The following SYMPK variants were observed in gnomAD, a reference collection of about 807,000 sequenced individuals.
SYMPK encodes the protein symplekin scaffold protein, also known as symplekin.
In SYMPK, 49 loss-of-function variants were observed where a neutral mutation model predicts 136.4. The ratio of observed to expected loss-of-function variants is 0.36; its 90% confidence interval spans 0.29 to 0.46. SYMPK has a LOEUF of 0.46. Ranked by LOEUF, SYMPK falls within the 20% of genes least tolerant of loss-of-function variation. The pLI, the probability that SYMPK is intolerant of heterozygous loss-of-function variation, is 1.00. For synonymous variants in SYMPK, 766 were observed against 713.0 expected, an observed-to-expected ratio of 1.07 and a Z score of -1.19; for missense variants, 1,365 against 1,690.0, an observed-to-expected ratio of 0.81 and a Z score of 3.37.
Position 45,815,891 on chromosome 19 carries a change from G to T in SYMPK, c.3647C>A (p.Ala1216Asp). The T allele has an allele frequency of 6.2e-7, 1 of 1,611,758 alleles. No individual in the cohort carries two copies. The highest frequency in any genetic ancestry group is 8.5e-7 in the Non-Finnish European group (1 of 1,179,680). Residue 1216 changes from alanine (A) to aspartate (D), a missense_variant, in exon 26 of 27, where the codon GCC becomes GAC. Ala to Asp is a moderately radical substitution (Grantham distance 126). Transcript: ENST00000245934. ...CTCGAGACTAGAGTCCAACAGCGCG[G>T]CCTCGGTCAGCCCCGAGTCGTCATC... is the stretch of plus-strand genomic sequence containing the variant. ...SMDDDSGLTEAALLDSSLEGP... is the reference protein window; with the variant it reads ...SMDDDSGLTEDALLDSSLEGP...
intron 11 of SYMPK, 64 bp downstream of exon 11, chr19:45,835,014 T>G: frequency 7.1e-7 from 1 of 1,408,692 alleles, no homozygotes; most frequent in Admixed American, 2.4e-5. Flanking sequence ...GCTCTTCCAG[T>G]AAGGAGAACC....
At chr19:45,820,064 A>G (rs979930103) in intron 22 of SYMPK, 1 of 152,106 alleles carries the variant, frequency 6.6e-6, no homozygotes, top group East Asian at 1.9e-4. Context: ...CTCCTGGGCC[A>G]AGGATCTTCA....
At chr19:45,852,046 G>A (rs1294045089) in intron 5 of SYMPK, among the ~76,000 whole-genome samples, 1 of 152,236 alleles carries the variant, frequency 6.6e-6, no homozygotes, top group African/African-American at 2.4e-5. Context: ...ATTGACAAAC[G>A]GTCAGATGCT....
Position 45,852,366 on chromosome 19 carries a change from G to C in SYMPK, c.245C>G (p.Ala82Gly). 1 of 1,614,206 alleles carries C rather than the reference G, an allele frequency of 6.2e-7. No individual in the cohort carries two copies. The stretch of plus-strand genomic sequence containing the variant: ...TTTTCGCACTTCGATTGACTTGTCT[G>C]CTTGGAATGCGATGATCTCCTGCCA... ...NFLDEIIAFQ[A>G]DKSIEVRKFV... is the part of the protein sequence containing the mutation. Residue 82 changes from alanine to glycine, a missense_variant, in exon 5 of 27, where the codon GCA becomes GGA. Ala to Gly is a moderately conservative substitution (Grantham distance 60). Coordinates refer to ENST00000245934, the MANE Select transcript of SYMPK (RefSeq NM_004819.3).
chr19:45,823,762 G>A lies in SYMPK; in HGVS notation c.2599+5C>T. ...GCCATGAAAGGTGGGGGTCTCCAGG[G>A]TCACCTTTGTCTGTGAGGCTGTGCA... On this transcript the variant is annotated splice_donor_5th_base_variant and intron_variant, in intron 19 of 26. Coordinates refer to ENST00000245934, the MANE Select transcript of SYMPK (RefSeq NM_004819.3). 6.2e-7 allele frequency: 1 copy of A among 1,611,988 alleles called. No individual in the cohort carries two copies. The highest frequency in any genetic ancestry group is 8.5e-7 in the Non-Finnish European group (1 of 1,178,144).
intron 1 of SYMPK, among the ~76,000 whole-genome samples, chr19:45,861,663 G>T (rs893914954): frequency 6.6e-5 from 10 of 151,748 alleles, no homozygotes; most frequent in African/African-American, 2.2e-4. Context: ...CTTGAACCTG[G>T]AAGGCAGAGG....
intron 1 of SYMPK, among the ~76,000 whole-genome samples, chr19:45,860,791 A>T (rs1195571296): frequency 6.6e-6 from 1 of 152,156 alleles, no homozygotes; most frequent in East Asian, 1.9e-4. Flanking sequence ...CTACAGGCGA[A>T]TCCCCATTTA....
intron 25 of SYMPK, 43 bp downstream of exon 25, chr19:45,816,439 T>C: frequency 2.5e-6 from 4 of 1,575,280 alleles, no homozygotes; most frequent in South Asian, 1.1e-5. Context: ...GGGTAGGGGG[T>C]GGGAGTCTGG....
chr19:45,842,573 C>G, intron 8 of SYMPK, 84 bp from the exon 9 acceptor site: 3 of 1,559,438 alleles, frequency 1.9e-6, no homozygotes, highest in Non-Finnish European at 2.6e-6. Flanking sequence ...CAAACTTGGG[C>G]AGTGGTCTTG....
intron 7 of SYMPK, among the ~76,000 whole-genome samples, chr19:45,846,824 C>T (rs920738363): frequency 6.7e-5 from 10 of 149,504 alleles, no homozygotes; most frequent in Non-Finnish European, 1.2e-4. Context: ...GAGACAGTCT[C>T]ATTCTGTCAC....
chr19:45,858,660 C>G (rs532240420), intron 1 of SYMPK, among the ~76,000 whole-genome samples: 2 of 152,282 alleles, frequency 1.3e-5, no homozygotes, highest in East Asian at 1.9e-4. Context: ...GGATTACAGG[C>G]ATGTGCCACC....
rs761981429 is a variant in SYMPK at position 45,826,343 on chromosome 19, G to A, written c.2212C>T (p.Arg738Cys). ...CGCAGCTGCTCCTTCTCATACATGC[G>A]TTTGATGAACAGCAGGGCCTGGGAG... ...VRSQALLFIK[R>C]MYEKEQLREY... Residue 738 changes from arginine (R) to cysteine (C), a missense_variant, in exon 17 of 27, where the codon CGC becomes TGC. Arg to Cys is a radical substitution (Grantham distance 180, BLOSUM62 -3). Transcript: ENST00000245934. 1.4e-5 allele frequency: 23 copies of A among 1,614,186 alleles called. No homozygotes were observed. The highest frequency in any genetic ancestry group is 4.0e-5 in the African/African-American group (3 of 75,046).
At position 45,823,879 on chromosome 19, in the gene SYMPK, G is replaced by A; in HGVS notation, c.2491-4C>T. The stretch of plus-strand genomic sequence containing the variant: ...AGTTCATGCCCATTCCTCGGATCTA[G>A]AGGCAGAGACAGGGATGACCAGACC... On this transcript the variant is annotated splice_region_variant and splice_polypyrimidine_tract_variant and intron_variant, in intron 18 of 26. Transcript: ENST00000245934. 2 of 1,613,184 alleles carry A rather than the reference G, an allele frequency of 1.2e-6. No homozygotes were observed. Among genetic ancestry groups the A allele is most frequent in the Non-Finnish European group, 1.7e-6 (2 of 1,179,424 alleles).
Position 45,827,718 on chromosome 19 carries a change from A to T in SYMPK, c.2068-95T>A, listed in dbSNP as rs1429283036. 22 of 1,489,566 alleles carry T rather than the reference A, an allele frequency of 1.5e-5. No individual in the cohort carries two copies. The African/African-American group carries it at 2.9e-4, about 20-fold the overall frequency. 92.3% of individuals were successfully genotyped at this position (1,489,566 alleles called of 1,614,324 possible). ...TGCCTCTGATCAGGTACCTGGACAAAAGGGCCCGGTCCCTCACAAAACCCC... is the reference window on the plus strand; with the variant it reads ...TGCCTCTGATCAGGTACCTGGACAATAGGGCCCGGTCCCTCACAAAACCCC... On this transcript the variant is annotated intron_variant, in intron 15 of 26. Transcript: ENST00000245934.
At chr19:45,842,138 C>T in intron 9 of SYMPK, 112 bp downstream of exon 9, 1 of 1,510,414 alleles carries the variant, frequency 6.6e-7, no homozygotes, top group Non-Finnish European at 8.9e-7. Flanking sequence ...GCCTGGCCCA[C>T]ATAACATAAT....
intron 11 of SYMPK, among the ~76,000 whole-genome samples, chr19:45,833,646 A>G (rs775844730): frequency 6.6e-6 from 1 of 152,212 alleles, no homozygotes; most frequent in Non-Finnish European, 1.5e-5. Flanking sequence ...AGGTAAAACT[A>G]GTCTATGGAG....
In SYMPK at chr19:45,830,209, G is replaced by C. The variant is rs1272911469; in HGVS notation, c.1599-5C>G. On this transcript the variant is annotated splice_region_variant and splice_polypyrimidine_tract_variant and intron_variant, in intron 12 of 26. Coordinates refer to ENST00000245934, the MANE Select transcript of SYMPK (RefSeq NM_004819.3). ...CGCCCACCAGCGCCTGCCAGCCTGTGTGGAAGAGCAGTGACAGAGATGCAG... is the reference window on the plus strand; with the variant it reads ...CGCCCACCAGCGCCTGCCAGCCTGTCTGGAAGAGCAGTGACAGAGATGCAG... 6.2e-7 allele frequency: 1 copy of C among 1,608,982 alleles called. No homozygotes were observed.
intron 5 of SYMPK, among the ~76,000 whole-genome samples, chr19:45,849,309 C>T (rs949834569): frequency 6.6e-6 from 1 of 152,160 alleles, no homozygotes; most frequent in African/African-American, 2.4e-5. Context: ...CCAGCCATTG[C>T]TACTTTAAAG....
chr19:45,859,045 A>C (rs932205931), intron 1 of SYMPK, among the ~76,000 whole-genome samples: 1 of 151,910 alleles, frequency 6.6e-6, no homozygotes, highest in African/African-American at 2.4e-5. Context: ...AGTGCTTGGG[A>C]TCACAAGTCT....
Sources: allele counts gnomAD v4.1 joint callset (sites outside exome capture counted in the v4.1 genomes callset), GRCh38; gene constraint gnomAD v4.1.1; transcripts MANE v1.5; gene names NCBI Gene and HGNC (gene_info 2026-07-23, HGNC 2026-07-21).